EIF3D: variants seen among roughly 807,000 people sequenced by gnomAD.
The protein encoded by EIF3D is eIF3 p66.
In EIF3D, 10 loss-of-function variants were observed where a neutral mutation model predicts 75.4. The observed-to-expected ratio is 0.13, with a 90% CI of 0.08 to 0.22. The LOEUF (loss-of-function observed/expected upper bound fraction) is 0.22, where lower values mean the gene tolerates loss of function less well. Among genes scored for constraint, EIF3D ranks in the 10% least tolerant of loss-of-function variants. The pLI, the probability that EIF3D is intolerant of heterozygous loss-of-function variation, is 1.00. For synonymous variants in EIF3D, 246 were observed against 248.3 expected (o/e 0.99, Z 0.09); for missense variants, 394 against 708.0 (o/e 0.56, Z 5.03).
chr22:36,513,873 ATTC>A (rs1434318833), intron 12 of EIF3D, among the ~76,000 whole-genome samples: 10 of 152,198 alleles, frequency 6.6e-5, no homozygotes, highest in Non-Finnish European at 1.3e-4. Flanking sequence ...GCATGTTAGA[ATTC>A]TTCTCCCAAT....
At chr22:36,527,276 G>A (rs1205677238) in intron 1 of EIF3D, among the ~76,000 whole-genome samples, 4 of 152,160 alleles carry the variant, frequency 2.6e-5, no homozygotes, top group Admixed American at 2.0e-4. Context: ...AATGTTATCC[G>A]CACTCTCCAG....
At position 36,512,489 on chromosome 22, in the gene EIF3D, C is replaced by T; in HGVS notation, c.1320G>A (p.Leu440=). The change falls in exon 13 of 15, where the codon TTG becomes TTA. Residue 440 remains leucine, a synonymous_variant. Transcript: ENST00000216190. ...YKLARWTCCA[L]LAGSEYLKLG... ...GCTTGAGGTACTCAGATCCAGCCAG[C>T]AAAGCACAGCAGGTCCACCGGGCCA... The T allele has an allele frequency of 2.5e-6, 4 of 1,614,238 alleles. No individual in the cohort carries two copies. Among genetic ancestry groups the T allele is most frequent in the Non-Finnish European group, 3.4e-6 (4 of 1,180,044 alleles).
intron 4 of EIF3D, among the ~76,000 whole-genome samples, 173 bp from the exon 5 acceptor site, chr22:36,524,153 G>A (rs12166028): frequency 0.087 from 13,239 of 152,100 alleles, 675 homozygotes; most frequent in African/African-American, 0.14. Flanking sequence ...GGGGGTAAGT[G>A]CTTGGACTTT....
In EIF3D at chr22:36,520,598, C is replaced by G; in HGVS notation, c.556G>C (p.Glu186Gln). ...TACATGTCCTGTGGCTCTGATACTT[C>G]CAAGTAGCGCATCTTCATCAACTGA... ...FPQLMKMRYL[E>Q]VSEPQDIECC... The change falls in exon 7 of 15, where the codon GAA becomes CAA. Residue 186 changes from glutamate (E) to glutamine (Q), a missense_variant. Glu to Gln is a conservative substitution (Grantham distance 29). Transcript: ENST00000216190. 1 of 1,613,110 alleles carries G rather than the reference C, an allele frequency of 6.2e-7. No individual in the cohort carries two copies.
intron 2 of EIF3D, 57 bp downstream of exon 2, chr22:36,525,942 A>T: frequency 6.4e-6 from 10 of 1,553,358 alleles, no homozygotes; most frequent in Non-Finnish European, 8.7e-6. Flanking sequence ...CTAAACAGGG[A>T]CTCGAGAGTA....
At chr22:36,523,383 C>A (rs1934545846) in intron 5 of EIF3D, 102 bp from the exon 6 acceptor site, 1 of 858,576 alleles carries the variant, frequency 1.2e-6, no homozygotes, top group East Asian at 2.4e-5. Flanking sequence ...ACCATCACCA[C>A]TAACTCCTTT....
At chr22:36,515,261 GC>G (rs1222549567) in intron 12 of EIF3D, among the ~76,000 whole-genome samples, 2 of 152,226 alleles carry the variant, frequency 1.3e-5, no homozygotes, top group Admixed American at 1.3e-4. Context: ...GGGTGCTGTG[GC>G]TCACGCCTGT....
intron 6 of EIF3D, 78 bp downstream of exon 6, chr22:36,523,131 C>A (rs1443271287): frequency 8.7e-7 from 1 of 1,145,908 alleles, no homozygotes; most frequent in Non-Finnish European, 1.3e-6. Flanking sequence ...TGAAGTATAT[C>A]TCATCTAAGC....
chr22:36,524,355 T>C (rs1934562643), intron 4 of EIF3D, among the ~76,000 whole-genome samples: 1 of 152,228 alleles, frequency 6.6e-6, no homozygotes. Flanking sequence ...CAAATGTTTT[T>C]AGCATACAAG....
intron 2 of EIF3D, 42 bp downstream of exon 2, chr22:36,525,957 C>T: frequency 1.3e-6 from 2 of 1,568,842 alleles, no homozygotes; most frequent in African/African-American, 2.7e-5. Context: ...AGAGTAGCAG[C>T]CACAGCTGCA....
chr22:36,522,444 G>A (rs1934529066), intron 6 of EIF3D, among the ~76,000 whole-genome samples: 1 of 152,200 alleles, frequency 6.6e-6, no homozygotes, highest in African/African-American at 2.4e-5. Flanking sequence ...GCTACCACAG[G>A]CCGAATGTGG....
intron 7 of EIF3D, 137 bp from the exon 8 acceptor site, chr22:36,519,674 G>A (rs1934482239): frequency 1.3e-5 from 16 of 1,198,366 alleles, no homozygotes; most frequent in Middle Eastern, 2.0e-4. Context: ...CAGGAGAGAC[G>A]AATCCTCAGT....
chr22:36,513,460 G>A lies in EIF3D; in HGVS notation c.1207-858C>T, dbSNP rs569923757. On this transcript the variant is annotated intron_variant, in intron 12 of 14. Transcript: ENST00000216190. ...TGGGATTACAGGTGCCCGCCACCAT[G>A]TCCAGCCAATTTTTGTATTTTTGGT... Among the ~76,000 whole-genome samples, 3 of 152,154 alleles carry A rather than the reference G, an allele frequency of 2.0e-5. No individual in the cohort carries two copies. In the East Asian group the frequency reaches 5.8e-4, roughly 29 times the overall value.
chr22:36,523,438 T>C lies in EIF3D; in HGVS notation c.393-157A>G, dbSNP rs562859115. 1.1e-4 allele frequency among the ~76,000 whole-genome samples: 17 copies of C among 152,308 alleles called. No individual in the cohort carries two copies. The South Asian group carries it at 3.5e-3, about 32-fold the overall frequency. ...TAGAGAAAGGAAGAGACCCAGACGG[T>C]GCATACTGGAGGTGTTAGAAAAGGT... On this transcript the variant is annotated intron_variant, in intron 5 of 14. Transcript: ENST00000216190.
intron 14 of EIF3D, 44 bp from the exon 15 acceptor site, chr22:36,511,044 G>C: frequency 6.3e-7 from 1 of 1,594,902 alleles, no homozygotes; most frequent in African/African-American, 1.4e-5. Flanking sequence ...CAGGTTGTGT[G>C]ATATGATGTT....
At chr22:36,517,644 C>G in intron 9 of EIF3D, among the ~76,000 whole-genome samples, 1 of 152,192 alleles carries the variant, frequency 6.6e-6, no homozygotes, top group East Asian at 1.9e-4. Context: ...ACATTCAATT[C>G]AATCACACAG....
Position 36,519,426 on chromosome 22 carries a change from T to C in EIF3D, c.690A>G (p.Thr230=). ...ACACCTTGCGGATGACAGGGTCGTC[T>C]GTGGTGGTGACAGTGTGGAAGATGC... is the stretch of plus-strand genomic sequence containing the variant. ...IKRIFHTVTT[T]DDPVIRKLAK... Residue 230 remains threonine, a synonymous_variant, in exon 8 of 15, where the codon ACA becomes ACG. Transcript: ENST00000216190. 6.2e-7 allele frequency: 1 copy of C among 1,614,166 alleles called. No individual in the cohort carries two copies. The highest frequency in any genetic ancestry group is 1.1e-5 in the South Asian group (1 of 91,078).
Position 36,526,478 on chromosome 22 carries a change from A to G in EIF3D, c.-10-347T>C, listed in dbSNP as rs1934602900. Among the ~76,000 whole-genome samples, 4 of 152,304 alleles carry G rather than the reference A, an allele frequency of 2.6e-5. No homozygotes were observed. The South Asian group carries it at 8.3e-4, about 32-fold the overall frequency. ...CTGTGTTACATAAGTGTTTAAAAAA[A>G]TTTAATGGTGTCAGATTTGATAAAA... is the stretch of plus-strand genomic sequence containing the variant. On this transcript the variant is annotated intron_variant, in intron 1 of 14. Transcript: ENST00000216190.
At position 36,529,115 on chromosome 22, in the gene EIF3D, G is replaced by A. The variant is rs1157839692; in HGVS notation, c.-50C>T. The stretch of plus-strand genomic sequence containing the variant: ...GCCGGCCGGGATGGCAACAGATGGT[G>A]CGTGCCGGGGACCGCGTTAGCAGCA... On this transcript the variant is annotated 5_prime_UTR_variant, in exon 1 of 15. Coordinates refer to ENST00000216190, the MANE Select transcript of EIF3D (RefSeq NM_003753.4). The A allele has an allele frequency of 7.6e-6, 3 of 395,106 alleles. No individual in the cohort carries two copies. The highest frequency in any genetic ancestry group is 4.1e-5 in the African/African-American group (2 of 48,676). The allele number at this position is 395,106 out of a possible 1,614,324, so 24.5% of individuals were successfully genotyped here. A position where few individuals can be genotyped will look rare whatever the true frequency, so the allele number is the denominator to read the frequency against.
Sources: allele counts gnomAD v4.1 joint callset (sites outside exome capture counted in the v4.1 genomes callset), GRCh38; gene constraint gnomAD v4.1.1; transcripts MANE v1.5; gene names NCBI Gene and HGNC (gene_info 2026-07-23, HGNC 2026-07-21).